ZNF558: variants seen among roughly 807,000 people sequenced by gnomAD.
The protein encoded by ZNF558 is zinc finger protein 558.
Under a neutral mutation model 37.6 loss-of-function variants are expected in ZNF558, and 23 were observed. The ratio of observed to expected loss-of-function variants is 0.61; its 90% CI spans 0.44 to 0.87. The LOEUF is 0.87. Ranked by LOEUF, ZNF558 falls within the 40% of genes least tolerant of loss-of-function variation. The pLI, the probability that ZNF558 is intolerant of heterozygous loss-of-function variation, is 0.00. For synonymous variants in ZNF558, 189 were observed against 174.4 expected, an observed-to-expected ratio of 1.08 and a Z score of -0.66; for missense variants, 429 against 483.7, an observed-to-expected ratio of 0.89 and a Z score of 1.06.
chr19:8,837,840 TAAGGAAG>T, the ZNF558 span, among the ~76,000 whole-genome samples: 1 of 151,906 alleles, frequency 6.6e-6, no homozygotes, highest in Non-Finnish European at 1.5e-5. Flanking sequence ...TTTTGGTTAG[TAAGGAAG>T]AGAAGGAGGT....
rs2880020 is a variant in ZNF558, at chr19:8,821,420, G to T, written c.121-114C>A. On this transcript the variant is annotated intron_variant, in intron 6 of 9. Coordinates refer to ENST00000601372, the MANE Select transcript of ZNF558 (RefSeq NM_144693.3). ...GGGGAAACCTGAGCACGAGATGTTG[G>T]GGGGGGTGGTTCTGAGCTCACCTCC... 8,794 of 1,594,022 alleles carry T rather than the reference G, an allele frequency of 5.5e-3. 467 individuals are homozygous for T. The African/African-American group carries it at 0.1, about 18-fold the overall frequency.
rs1020647392 is a variant in ZNF558 at position 8,811,595 on chromosome 19, T to C, written c.895A>G (p.Lys299Glu). 6.2e-7 allele frequency: 1 copy of C among 1,614,188 alleles called. No individual in the cohort carries two copies. The highest frequency in any genetic ancestry group is 1.7e-5 in the Admixed American group (1 of 60,020). The change falls in exon 10 of 10, where the codon AAA (lysine) becomes GAA (glutamate). Residue 299 changes from lysine (K) to glutamate (E), a missense_variant. Physicochemically the swap from Lys to Glu is moderately conservative, Grantham distance 56. Coordinates refer to ENST00000601372, the MANE Select transcript of ZNF558 (RefSeq NM_144693.3). ...EKPYECHDCG[K>E]TFRKSSYLTQ... ...AGATAGGAGCTCTTCCTGAAGGTTT[T>C]CCCACAATCGTGACATTCATAAGGT...
rs782207112 is a variant in ZNF558 at position 8,810,537 on chromosome 19, A to C, written c.*744T>G. 6.6e-6 allele frequency: 1 copy of C among 152,218 alleles called. No homozygotes were observed. Among genetic ancestry groups the C allele is most frequent in the Non-Finnish European group, 1.5e-5 (1 of 68,050 alleles). 9.4% of individuals were successfully genotyped at this position (152,218 alleles called of 1,614,324 possible). ...CATGAAGGTGAGAATTCGAGCTGAG[A>C]GCTTTACCATACAGATTGTCCTCAA... is the stretch of plus-strand genomic sequence containing the variant. On this transcript the variant is annotated 3_prime_UTR_variant, in exon 10 of 10. Transcript: ENST00000601372.
chr19:8,827,458 G>C (rs1480914210), intron 2 of ZNF558, among the ~76,000 whole-genome samples: 1 of 151,664 alleles, frequency 6.6e-6, no homozygotes, highest in Non-Finnish European at 1.5e-5. Flanking sequence ...TCACCCTCTG[G>C]CCCACAACTC....
Position 8,808,243 on chromosome 19 carries a change from G to A in ZNF558, c.*3038C>T, listed in dbSNP as rs1246164578. On this transcript the variant is annotated 3_prime_UTR_variant, in exon 10 of 10. Transcript: ENST00000601372. ...GAATTGCTGGAACCTGGGAGGCCAAGGTTGCAGTGAGCCGAGATCGCACCA... is the reference window on the plus strand; with the variant it reads ...GAATTGCTGGAACCTGGGAGGCCAAAGTTGCAGTGAGCCGAGATCGCACCA... 2 of 152,090 alleles carry A rather than the reference G, an allele frequency of 1.3e-5. No individual in the cohort carries two copies. The highest frequency in any genetic ancestry group is 2.9e-5 in the Non-Finnish European group (2 of 68,022). 9.4% of individuals were successfully genotyped at this position (152,090 alleles called of 1,614,324 possible). A position where few individuals can be genotyped will look rare whatever the true frequency, so the allele number is the denominator to read the frequency against.
At chr19:8,823,279 G>A (rs770795464) in intron 4 of ZNF558, among the ~76,000 whole-genome samples, 7 of 148,938 alleles carry the variant, frequency 4.7e-5, no homozygotes, top group Middle Eastern at 3.4e-3. Flanking sequence ...CAACTTCCAC[G>A]GCGTTCACTC....
chr19:8,807,904 T>G lies in ZNF558; in HGVS notation c.*3377A>C, dbSNP rs2043716030. 1 of 152,182 alleles carries G rather than the reference T, an allele frequency of 6.6e-6. No homozygotes were observed. The highest frequency in any genetic ancestry group is 2.1e-4 in the South Asian group (1 of 4,832). The allele number at this position is 152,182 out of a possible 1,614,324, so 9.4% of individuals were successfully genotyped here. A position where few individuals can be genotyped will look rare whatever the true frequency, so the allele number is the denominator to read the frequency against. ...AGTGCATGGACTGTCTGGGTTCAGATCTTGGCTCTACCATTTACCAGTCAG... is the reference window on the plus strand; with the variant it reads ...AGTGCATGGACTGTCTGGGTTCAGAGCTTGGCTCTACCATTTACCAGTCAG... On this transcript the variant is annotated 3_prime_UTR_variant, in exon 10 of 10. Transcript: ENST00000601372.
chr19:8,832,902 C>T (rs1483169262), upstream of ZNF558, among the ~76,000 whole-genome samples: 1 of 151,042 alleles, frequency 6.6e-6, no homozygotes, highest in Non-Finnish European at 1.5e-5. Flanking sequence ...GGGGACTAGG[C>T]TGTGGGTGTA....
intron 7 of ZNF558, among the ~76,000 whole-genome samples, chr19:8,820,615 G>C (rs1248378088): frequency 3.3e-4 from 1 of 3,000 alleles, no homozygotes; most frequent in African/African-American, 9.5e-4. Flanking sequence ...CTGACTAGCT[G>C]GGGATAGGTG....
At chr19:8,832,537 G>A (rs10401317), upstream of ZNF558, 5,062 of 153,238 alleles carry the variant, frequency 0.033, 293 homozygotes, top group African/African-American at 0.12. Context: ...GGTTGGCCCT[G>A]GGGGCGGGGC....
rs782595572 is a variant in ZNF558, at chr19:8,813,163, TCAC to T, written c.304_306del (p.Val102del). 6 of 1,599,104 alleles carry T rather than the reference TCAC, an allele frequency of 3.8e-6. No individual in the cohort carries two copies. The African/African-American group carries it at 8.0e-5, about 21-fold the overall frequency. ...CTTGGTAGAATTCCTCTTTCCTCTG[TCAC>T]CACCTTCTTGTCTTGTTCCAACTGG... is the stretch of plus-strand genomic sequence containing the variant. On this transcript the variant is annotated inframe_deletion, in exon 8 of 10. Transcript: ENST00000601372.
Position 8,822,047 on chromosome 19 carries a change from G to T in ZNF558, c.76C>A (p.Gln26Lys). Residue 26 changes from glutamine to lysine, a missense_variant, in exon 6 of 10, where the codon CAG becomes AAG. Physicochemically the swap from Gln to Lys is moderately conservative, Grantham distance 53. Coordinates refer to ENST00000601372, the MANE Select transcript of ZNF558 (RefSeq NM_144693.3). This position sits in a 1 kb window ranked among gnomAD's most constrained non-coding sequence, Gnocchi z 4.4. ...FPASQQKGHT[Q>K]GGELVNELLT... The stretch of plus-strand genomic sequence containing the variant: ...AGCTCATTAACCAGCTCTCCGCCCT[G>T]TGTGTGTCCTTTTTGCTGAGAGGCT... 1 of 1,614,058 alleles carries T rather than the reference G, an allele frequency of 6.2e-7. No homozygotes were observed. The highest frequency in any genetic ancestry group is 8.5e-7 in the Non-Finnish European group (1 of 1,179,956).
At chr19:8,816,311 C>T (rs950220355) in intron 7 of ZNF558, among the ~76,000 whole-genome samples, 1 of 152,188 alleles carries the variant, frequency 6.6e-6, no homozygotes, top group African/African-American at 2.4e-5. Context: ...GGTCCTTCTG[C>T]CTCAGCCTCC....
At chr19:8,830,588 T>A (rs1200330784) in intron 2 of ZNF558, among the ~76,000 whole-genome samples, 3 of 152,186 alleles carry the variant, frequency 2.0e-5, no homozygotes, top group Non-Finnish European at 4.4e-5. Flanking sequence ...AGGGCCAATA[T>A]GCCTTTAGAA....
intron 2 of ZNF558, among the ~76,000 whole-genome samples, chr19:8,825,736 C>T (rs1226196371): frequency 1.3e-5 from 2 of 151,942 alleles, no homozygotes; most frequent in Non-Finnish European, 2.9e-5. Context: ...GTTCGGGTTC[C>T]GTCAAAAAAT....
At chr19:8,836,369 T>A (rs2044455399), upstream of ZNF558, among the ~76,000 whole-genome samples, 1 of 151,920 alleles carries the variant, frequency 6.6e-6, no homozygotes. Flanking sequence ...CCTTTCTTCC[T>A]TCTTCCTTAC....
chr19:8,807,048 C>T lies in ZNF558; in HGVS notation c.*4233G>A, dbSNP rs2043709430. On this transcript the variant is annotated 3_prime_UTR_variant, in exon 10 of 10. Coordinates refer to ENST00000601372, the MANE Select transcript of ZNF558 (RefSeq NM_144693.3). Reference sequence around the variant, plus strand: ...AAGTCTTTGTCTGCTAACTCCAATACCCAAATTGTCTCTGGATCTGCTATT... The same window carrying T: ...AAGTCTTTGTCTGCTAACTCCAATATCCAAATTGTCTCTGGATCTGCTATT... 1.3e-5 allele frequency: 2 copies of T among 152,160 alleles called. No homozygotes were observed. Among genetic ancestry groups the T allele is most frequent in the African/African-American group, 2.4e-5 (1 of 41,428 alleles). 9.4% of individuals were successfully genotyped at this position (152,160 alleles called of 1,614,324 possible).
intron 2 of ZNF558, 51 bp downstream of exon 2, chr19:8,831,267 T>G (rs2044346957): frequency 6.6e-6 from 1 of 152,194 alleles, no homozygotes; most frequent in Non-Finnish European, 1.5e-5. Context: ...GGAGTTCTTC[T>G]ACACAGCAGA....
chr19:8,836,675 A>G (rs981916747), upstream of ZNF558, among the ~76,000 whole-genome samples: 1 of 152,082 alleles, frequency 6.6e-6, no homozygotes, highest in African/African-American at 2.4e-5. Context: ...TATTTTTTAT[A>G]GAGACAGGGA....
Sources: allele counts gnomAD v4.1 joint callset (sites outside exome capture counted in the v4.1 genomes callset), GRCh38; gene constraint gnomAD v4.1.1; non-coding constraint Gnocchi (gnomAD v3.1); transcripts MANE v1.5; gene names NCBI Gene and HGNC (gene_info 2026-07-23, HGNC 2026-07-21).